The following ROBO2 variants were observed in gnomAD, a reference collection of about 807,000 sequenced individuals.
ROBO2 encodes roundabout homolog 2.
Under a neutral mutation model 160.8 loss-of-function variants are expected in ROBO2, and 53 were observed. The ratio of observed to expected loss-of-function variants is 0.33; its 90% CI spans 0.26 to 0.41. ROBO2 has a LOEUF of 0.41. ROBO2 is among the 10% of genes least tolerant of loss of function. ROBO2 has a pLI of 1.00. For missense variants in ROBO2, 1,577 were observed against 1,722.4 expected, an observed-to-expected ratio of 0.92 and a Z score of 1.49; for synonymous variants, 664 against 611.7, an observed-to-expected ratio of 1.09 and a Z score of -1.26.
chr3:77,110,567 C>T lies in ROBO2; in HGVS notation c.388+12227C>T, dbSNP rs375772482. 3.9e-3 allele frequency among the ~76,000 whole-genome samples: 586 copies of T among 151,294 alleles called. 7 individuals are homozygous for T. The highest frequency in any genetic ancestry group is 0.014 in the Middle Eastern group (4 of 292). On this transcript the variant is annotated intron_variant, in intron 2 of 25. Coordinates refer to ENST00000461745, the Ensembl canonical transcript of ROBO2. The stretch of plus-strand genomic sequence containing the variant: ...AAAATATAAATGAACAGAACCTTGA[C>T]TTAAACCTTACAAATTATGCAAAAA...
chr3:76,814,264 G>T (rs1229846598), intron 2 of ROBO2, among the ~76,000 whole-genome samples: 1 of 152,112 alleles, frequency 6.6e-6, no homozygotes, highest in Non-Finnish European at 1.5e-5. Context: ...GGAGTAACTT[G>T]TGAGTTCTAA....
intron 1 of ROBO2, among the ~76,000 whole-genome samples, chr3:77,084,751 T>C (rs1324929286): frequency 6.6e-6 from 1 of 152,138 alleles, no homozygotes; most frequent in Non-Finnish European, 1.5e-5. Context: ...CAGATGTTTT[T>C]TGACAGACTC....
chr3:76,228,791 G>T (rs1241660358), intron 2 of ROBO2, among the ~76,000 whole-genome samples: 1 of 152,108 alleles, frequency 6.6e-6, no homozygotes, highest in Non-Finnish European at 1.5e-5. Context: ...CACAATAAGT[G>T]GATAAACAAA....
At chr3:76,066,685 A>G (rs1273256790) in intron 2 of ROBO2, among the ~76,000 whole-genome samples, 1 of 152,014 alleles carries the variant, frequency 6.6e-6, no homozygotes, top group African/African-American at 2.4e-5. Context: ...GAATGCAATC[A>G]GTTAGACTGA....
chr3:77,314,737 A>C (rs915683088), intron 2 of ROBO2, among the ~76,000 whole-genome samples: 1 of 152,188 alleles, frequency 6.6e-6, no homozygotes, highest in Non-Finnish European at 1.5e-5. Context: ...ACAAGGCATT[A>C]TATATCAAGC....
intron 1 of ROBO2, among the ~76,000 whole-genome samples, chr3:75,917,444 G>A (rs1442726915): frequency 6.6e-6 from 1 of 152,104 alleles, no homozygotes; most frequent in Non-Finnish European, 1.5e-5. Context: ...TCATTGATGG[G>A]CATTATGTTG....
chr3:76,120,908 T>G (rs1431475433), intron 2 of ROBO2, among the ~76,000 whole-genome samples: 1 of 152,208 alleles, frequency 6.6e-6, no homozygotes, highest in Non-Finnish European at 1.5e-5. Flanking sequence ...AAATACTTAC[T>G]GTCGAATATT....
intron 8 of ROBO2, among the ~76,000 whole-genome samples, chr3:77,556,415 CT>C (rs1192159468): frequency 1.3e-5 from 2 of 151,498 alleles, no homozygotes; most frequent in East Asian, 3.9e-4. Context: ...GGTTTTATCA[CT>C]GATAAAATAG....
At chr3:77,246,031 T>A (rs1165663765) in intron 2 of ROBO2, among the ~76,000 whole-genome samples, 1 of 152,208 alleles carries the variant, frequency 6.6e-6, no homozygotes, top group Non-Finnish European at 1.5e-5. Context: ...TATCAGGAAG[T>A]AGATTGTTTA....
intron 2 of ROBO2, among the ~76,000 whole-genome samples, chr3:76,960,015 C>G (rs910133727): frequency 6.6e-6 from 1 of 151,082 alleles, no homozygotes; most frequent in African/African-American, 2.4e-5. Flanking sequence ...GGCTTGTATT[C>G]TATGTTTGGT....
intron 2 of ROBO2, among the ~76,000 whole-genome samples, chr3:76,418,034 A>G (rs1023443806): frequency 1.3e-5 from 2 of 151,998 alleles, no homozygotes; most frequent in African/African-American, 2.4e-5. Context: ...CAGTTAAGCT[A>G]TGAAAATAAC....
intron 2 of ROBO2, among the ~76,000 whole-genome samples, chr3:77,015,197 T>A (rs1459376239): frequency 1.3e-5 from 2 of 152,202 alleles, no homozygotes; most frequent in Non-Finnish European, 2.9e-5. Flanking sequence ...CCAAAATCAA[T>A]TTAACAAGAG....
intron 2 of ROBO2, among the ~76,000 whole-genome samples, chr3:77,354,414 A>G (rs1172518488): frequency 6.6e-6 from 1 of 152,042 alleles, no homozygotes; most frequent in Non-Finnish European, 1.5e-5. Flanking sequence ...TGTTGACTTA[A>G]TTTTATTTCG....
intron 2 of ROBO2, among the ~76,000 whole-genome samples, chr3:76,190,058 A>G (rs873596): frequency 0.34 from 51,360 of 151,874 alleles, 9,622 homozygotes; most frequent in Non-Finnish European, 0.42. Flanking sequence ...AAAAAATGCT[A>G]TTTTCTATAA....
chr3:76,264,013 G>A (rs1178598375), intron 2 of ROBO2, among the ~76,000 whole-genome samples: 1 of 152,118 alleles, frequency 6.6e-6, no homozygotes, highest in Admixed American at 6.6e-5. Flanking sequence ...AGTGGCAGCT[G>A]AACAATGAGA....
chr3:77,431,509 G>A (rs555119032), intron 2 of ROBO2, among the ~76,000 whole-genome samples: 1 of 152,212 alleles, frequency 6.6e-6, no homozygotes, highest in Admixed American at 6.5e-5. Context: ...ATTAAATTAA[G>A]CCTCTCTTTT....
chr3:76,310,338 C>T (rs948606673), intron 2 of ROBO2, among the ~76,000 whole-genome samples: 1 of 152,078 alleles, frequency 6.6e-6, no homozygotes, highest in African/African-American at 2.4e-5. Context: ...TTAACACGTT[C>T]CAGAAAGCCT....
At chr3:75,995,456 G>A (rs895329285) in intron 2 of ROBO2, among the ~76,000 whole-genome samples, 1 of 152,160 alleles carries the variant, frequency 6.6e-6, no homozygotes, top group African/African-American at 2.4e-5. Context: ...ACTGAGGTTT[G>A]GGAACCTCAG....
At chr3:75,919,685 A>G (rs1946951064) in intron 1 of ROBO2, among the ~76,000 whole-genome samples, 1 of 152,062 alleles carries the variant, frequency 6.6e-6, no homozygotes, top group Admixed American at 6.5e-5. Flanking sequence ...TTTGGTTGGT[A>G]GGCTAGTAAT....
Sources: allele counts gnomAD v4.1 joint callset (sites outside exome capture counted in the v4.1 genomes callset), GRCh38; gene constraint gnomAD v4.1.1; transcripts MANE v1.5; gene names NCBI Gene and HGNC (gene_info 2026-07-23, HGNC 2026-07-21).